The following PRKCE variants were observed in gnomAD, a reference collection of about 807,000 sequenced individuals.
PRKCE encodes the protein protein kinase C epsilon.
Under a neutral mutation model 85.4 loss-of-function variants are expected in PRKCE, and 16 were observed. That is an observed-to-expected ratio of 0.19 (90% CI 0.13 to 0.28). The LOEUF (loss-of-function observed/expected upper bound fraction) is 0.28, where lower values mean the gene tolerates loss of function less well. PRKCE is among the 10% of genes least tolerant of loss of function. The pLI is 1.00. For missense variants in PRKCE, 573 were observed against 975.2 expected (o/e 0.59, Z 5.49); for synonymous variants, 388 against 371.5 (o/e 1.04, Z -0.51).
intron 10 of PRKCE, among the ~76,000 whole-genome samples, chr2:46,067,126 A>T (rs1009685253): frequency 1.3e-5 from 2 of 152,168 alleles, no homozygotes; most frequent in African/African-American, 4.8e-5. Flanking sequence ...TTCTATTCTT[A>T]AATTATTTAA....
chr2:45,947,313 T>G (rs1700308061), intron 2 of PRKCE, among the ~76,000 whole-genome samples: 3 of 150,492 alleles, frequency 2.0e-5, no homozygotes, highest in African/African-American at 2.5e-5. Context: ...AGCCAGGGGG[T>G]GGGGGAGAGA....
chr2:45,655,216 G>A (rs1246820653), intron 1 of PRKCE, among the ~76,000 whole-genome samples: 1 of 152,144 alleles, frequency 6.6e-6, no homozygotes, highest in Non-Finnish European at 1.5e-5. Flanking sequence ...TTTCACCAAG[G>A]AATTGACACC....
intron 2 of PRKCE, among the ~76,000 whole-genome samples, chr2:45,961,799 G>A (rs1473622598): frequency 4.6e-5 from 7 of 152,090 alleles, no homozygotes; most frequent in South Asian, 2.1e-4. Flanking sequence ...GGGTTCAAGC[G>A]ATTCTCCTGC....
chr2:45,881,678 G>C (rs1694900025), intron 2 of PRKCE, among the ~76,000 whole-genome samples: 1 of 152,154 alleles, frequency 6.6e-6, no homozygotes, highest in Non-Finnish European at 1.5e-5. Context: ...CATTTTTACA[G>C]ATGAGGAAAC....
chr2:46,152,276 G>A (rs970422484), intron 13 of PRKCE, among the ~76,000 whole-genome samples: 1 of 151,760 alleles, frequency 6.6e-6, no homozygotes, highest in Admixed American at 6.6e-5. Flanking sequence ...CCTCCTCCCA[G>A]GTTCAAGTGA....
In PRKCE at chr2:45,697,887, T is replaced by A. The variant is rs1678286109; in HGVS notation, c.348+45439T>A. 1 of 152,634 alleles carries A rather than the reference T, an allele frequency of 6.6e-6. No individual in the cohort carries two copies. The allele number at this position is 152,634 out of a possible 1,614,324, so 9.5% of individuals were successfully genotyped here. ...AGATTCTTTAATTGGATGTAGTTTTTTTTTACATTGGAAGAAATTGAGAAT... is the reference window on the plus strand; with the variant it reads ...AGATTCTTTAATTGGATGTAGTTTTATTTTACATTGGAAGAAATTGAGAAT... On this transcript the variant is annotated intron_variant, in intron 1 of 14. Transcript: ENST00000306156. The surrounding 1 kb of genome is among the most constrained non-coding windows in gnomAD (Gnocchi z 4.2).
chr2:45,894,360 G>A (rs1297979314), intron 2 of PRKCE, among the ~76,000 whole-genome samples: 2 of 151,500 alleles, frequency 1.3e-5, no homozygotes, highest in Non-Finnish European at 2.9e-5. Flanking sequence ...GACATCTTAA[G>A]GGAAAGGAAG....
At chr2:45,729,246 G>A (rs1681352591) in intron 1 of PRKCE, among the ~76,000 whole-genome samples, 1 of 152,218 alleles carries the variant, frequency 6.6e-6, no homozygotes, top group Non-Finnish European at 1.5e-5. Context: ...GGAGGACACA[G>A]TGCAGTCTCT....
At chr2:45,943,139 A>C (rs1222200112) in intron 2 of PRKCE, among the ~76,000 whole-genome samples, 1 of 152,224 alleles carries the variant, frequency 6.6e-6, no homozygotes, top group Non-Finnish European at 1.5e-5. Flanking sequence ...AAGATTCAGG[A>C]GGCTTTAAGA....
At chr2:46,147,780 G>T (rs1292369527) in intron 12 of PRKCE, among the ~76,000 whole-genome samples, 1 of 152,200 alleles carries the variant, frequency 6.6e-6, no homozygotes. Context: ...ATCATTGTTG[G>T]GTTGTGTGAT....
At chr2:45,825,968 T>A (rs1333662183) in intron 1 of PRKCE, among the ~76,000 whole-genome samples, 2 of 152,202 alleles carry the variant, frequency 1.3e-5, no homozygotes, top group African/African-American at 4.8e-5. Flanking sequence ...TTTTTTGCCA[T>A]CTCTTTAGAA....
Position 46,004,864 on chromosome 2 carries a change from G to A in PRKCE, c.1063+226G>A, listed in dbSNP as rs1031750888. On this transcript the variant is annotated intron_variant, in intron 8 of 14. Coordinates refer to ENST00000306156, the MANE Select transcript of PRKCE (RefSeq NM_005400.3). The surrounding 1 kb of genome is among the most constrained non-coding windows in gnomAD (Gnocchi z 4.1). ...CATATCTGCCTTAATTTCCTTCCAG[G>A]CCAGGGTAAGAGGAGAGCGAGTGTA... is the stretch of plus-strand genomic sequence containing the variant. Among the ~76,000 whole-genome samples, 1 of 152,026 alleles carries A rather than the reference G, an allele frequency of 6.6e-6. No individual in the cohort carries two copies. Among genetic ancestry groups the A allele is most frequent in the South Asian group, 2.1e-4 (1 of 4,814 alleles).
intron 11 of PRKCE, among the ~76,000 whole-genome samples, chr2:46,097,519 C>CAAA (rs66634467): frequency 3.2e-5 from 3 of 94,118 alleles, no homozygotes; most frequent in African/African-American, 9.0e-5. Context: ...GACTCCGTCT[C>CAAA]AAAAAAAAAA....
In PRKCE at chr2:45,840,052, G is replaced by T. The variant is rs747914804; in HGVS notation, c.349-2948G>T. ...TTCTCACTCCCCTTTTGCAAAGATG[G>T]GCATGGTGCCTGCCTTTGGATAGGC... On this transcript the variant is annotated intron_variant, in intron 1 of 14. Transcript: ENST00000306156. 2.0e-4 allele frequency among the ~76,000 whole-genome samples: 30 copies of T among 152,068 alleles called. 1 individual carries two copies. Among genetic ancestry groups the T allele is most frequent in the Non-Finnish European group, 3.4e-4 (23 of 68,024 alleles).
At chr2:46,030,984 A>G (rs1211309691) in intron 10 of PRKCE, among the ~76,000 whole-genome samples, 2 of 152,168 alleles carry the variant, frequency 1.3e-5, no homozygotes, top group Non-Finnish European at 2.9e-5. Flanking sequence ...AGTGCATTCT[A>G]TATTTAAACA....
At chr2:45,761,274 C>A (rs1003765732) in intron 1 of PRKCE, among the ~76,000 whole-genome samples, 3 of 140,570 alleles carry the variant, frequency 2.1e-5, no homozygotes, top group Non-Finnish European at 3.0e-5. Flanking sequence ...TTGCAGTAAG[C>A]CGAGATCACA....
At chr2:46,149,089 GCTT>G (rs1291977721) in intron 12 of PRKCE, among the ~76,000 whole-genome samples, 2 of 152,170 alleles carry the variant, frequency 1.3e-5, no homozygotes, top group East Asian at 3.8e-4. Flanking sequence ...GTTTCTAAAT[GCTT>G]CTTCTATCCA....
chr2:46,129,264 C>T (rs535199598), intron 11 of PRKCE, among the ~76,000 whole-genome samples: 3 of 152,150 alleles, frequency 2.0e-5, no homozygotes, highest in Non-Finnish European at 2.9e-5. Context: ...ATGTGGATGG[C>T]AGAAGCCAAG....
chr2:45,790,404 AT>A (rs920764783), intron 1 of PRKCE, among the ~76,000 whole-genome samples: 24 of 152,310 alleles, frequency 1.6e-4, no homozygotes, highest in Middle Eastern at 6.8e-3. Flanking sequence ...AGTCTCACTG[AT>A]TTGGAGCCTC....
Sources: allele counts gnomAD v4.1 joint callset (sites outside exome capture counted in the v4.1 genomes callset), GRCh38; gene constraint gnomAD v4.1.1; non-coding constraint Gnocchi (gnomAD v3.1); transcripts MANE v1.5; gene names NCBI Gene and HGNC (gene_info 2026-07-23, HGNC 2026-07-21).